Variants in PARD3 observed in about 807,000 individuals in gnomAD.
The protein encoded by PARD3 is partitioning defective 3 homolog.
Under a neutral mutation model 155.4 loss-of-function variants are expected in PARD3, and 75 were observed. That is an observed-to-expected ratio of 0.48 (90% CI 0.40 to 0.58). The LOEUF is 0.58. Ranked by LOEUF, PARD3 falls within the 20% of genes least tolerant of loss-of-function variation. PARD3 has a pLI of 0.00. For synonymous variants in PARD3, 576 were observed against 610.5 expected, an observed-to-expected ratio of 0.94 and a Z score of 0.83; for missense variants, 1,642 against 1,721.7, an observed-to-expected ratio of 0.95 and a Z score of 0.82.
chr10:34,701,169 C>G (rs766291400), intron 1 of PARD3, among the ~76,000 whole-genome samples: 10 of 151,882 alleles, frequency 6.6e-5, no homozygotes, highest in Admixed American at 2.6e-4. Context: ...AGAGGAGGAC[C>G]CTGAGCAGGG....
rs147136694 is a variant in PARD3 at position 34,331,172 on chromosome 10, G to A, written c.2778C>T (p.Ile926=). The change falls in exon 19 of 25, where the codon ATC becomes ATT. Residue 926 remains isoleucine (I), a synonymous_variant. Coordinates refer to ENST00000374788, the MANE Select transcript of PARD3 (RefSeq NM_001184785.2). ...RGCNESFRAA[I]DKSYDKPAVD... Reference sequence around the variant, plus strand: ...CCGCGGGTTTATCATAAGATTTGTCGATGGCAGCTCTGAAGCTCTCATTGC... The same window carrying A: ...CCGCGGGTTTATCATAAGATTTGTCAATGGCAGCTCTGAAGCTCTCATTGC... The A allele has an allele frequency of 1.0e-4, 165 of 1,613,818 alleles. No individual in the cohort carries two copies. The Middle Eastern group carries it at 4.1e-3, about 40-fold the overall frequency.
intron 2 of PARD3, among the ~76,000 whole-genome samples, chr10:34,665,792 G>A (rs1017308448): frequency 1.4e-5 from 2 of 147,730 alleles, no homozygotes; most frequent in Admixed American, 1.3e-4. Flanking sequence ...GAGCCAAGAC[G>A]GCGCCACTGC....
chr10:34,269,540 A>G, intron 22 of PARD3, 117 bp downstream of exon 22: 1 of 1,110,596 alleles, frequency 9.0e-7, no homozygotes, highest in Non-Finnish European at 1.3e-6. Flanking sequence ...ACAGCTTTTT[A>G]AAGGCCATTA....
chr10:34,775,808 T>G (rs1259130742), intron 1 of PARD3, among the ~76,000 whole-genome samples: 5 of 152,244 alleles, frequency 3.3e-5, no homozygotes, highest in Non-Finnish European at 5.9e-5. Flanking sequence ...AATCTGTAGG[T>G]ATTATTCTAG....
At chr10:34,262,139 A>G (rs1955059316) in intron 22 of PARD3, among the ~76,000 whole-genome samples, 1 of 152,190 alleles carries the variant, frequency 6.6e-6, no homozygotes. Flanking sequence ...AGTCAACTAC[A>G]TCTACTGAAT....
intron 2 of PARD3, among the ~76,000 whole-genome samples, chr10:34,605,931 C>CTA (rs56107450): frequency 0.012 from 269 of 22,656 alleles, 74 homozygotes; most frequent in East Asian, 0.085. Flanking sequence ...TATATATCTC[C>CTA]TATATATATA....
At position 34,730,381 on chromosome 10, in the gene PARD3, A is replaced by T. The variant is rs956941771; in HGVS notation, c.121-33962T>A. ...ATTGAAAAGTTTTCACCAACTTTAA[A>T]CTGCACTGTACAGCTATAAATTTAC... On this transcript the variant is annotated intron_variant, in intron 1 of 24. Transcript: ENST00000374788. 1.4e-4 allele frequency among the ~76,000 whole-genome samples: 22 copies of T among 152,202 alleles called. 1 individual carries two copies. Among genetic ancestry groups the T allele is most frequent in the Non-Finnish European group, 2.6e-4 (18 of 68,050 alleles).
At chr10:34,188,838 T>C (rs780039160) in intron 22 of PARD3, among the ~76,000 whole-genome samples, 2 of 151,966 alleles carry the variant, frequency 1.3e-5, no homozygotes, top group Non-Finnish European at 2.9e-5. Context: ...ACCATGGTCA[T>C]TCCAAGAAAC....
chr10:34,641,688 A>G (rs966358844), intron 2 of PARD3, among the ~76,000 whole-genome samples: 2 of 152,068 alleles, frequency 1.3e-5, no homozygotes, highest in Non-Finnish European at 2.9e-5. Context: ...AGCACCACGC[A>G]TGGCTGGGTG....
At chr10:34,444,890 C>G (rs1418477382) in intron 5 of PARD3, among the ~76,000 whole-genome samples, 2 of 152,144 alleles carry the variant, frequency 1.3e-5, no homozygotes, top group Non-Finnish European at 2.9e-5. Flanking sequence ...GTCATAACTG[C>G]CTTCAGAAAC....
chr10:34,475,738 G>T (rs1477592392), intron 3 of PARD3, among the ~76,000 whole-genome samples: 2 of 152,200 alleles, frequency 1.3e-5, no homozygotes, highest in African/African-American at 4.8e-5. Flanking sequence ...CTGGGAAGCA[G>T]TCATGCTCAC....
intron 3 of PARD3, among the ~76,000 whole-genome samples, chr10:34,506,844 AT>A (rs1413581544): frequency 1.3e-5 from 2 of 152,196 alleles, no homozygotes; most frequent in African/African-American, 4.8e-5. Flanking sequence ...GTGATTGCAA[AT>A]ATCAGTGAAA....
At chr10:34,130,841 A>T (rs1391956496) in intron 23 of PARD3, among the ~76,000 whole-genome samples, 2 of 152,324 alleles carry the variant, frequency 1.3e-5, no homozygotes, top group East Asian at 3.9e-4. Flanking sequence ...AATGAGGATC[A>T]CTTGAGCCTA....
intron 1 of PARD3, among the ~76,000 whole-genome samples, chr10:34,754,020 A>AT (rs796321184): frequency 0.027 from 3,962 of 145,688 alleles, 156 homozygotes; most frequent in African/African-American, 0.089. Context: ...GGTTTTATTT[A>AT]TTTTTTTTTT....
At chr10:34,658,160 GA>G (rs200032101) in intron 2 of PARD3, among the ~76,000 whole-genome samples, 3,159 of 148,642 alleles carry the variant, frequency 0.021, 113 homozygotes, top group African/African-American at 0.074. Flanking sequence ...AAAAAAAAAA[GA>G]ATCCACAACA....
intron 5 of PARD3, among the ~76,000 whole-genome samples, chr10:34,415,219 T>C (rs1255585554): frequency 6.6e-6 from 1 of 151,616 alleles, no homozygotes; most frequent in Non-Finnish European, 1.5e-5. Context: ...ATATGTAGTG[T>C]TTGTTGATAC....
chr10:34,794,142 T>C (rs911121717), intron 1 of PARD3, among the ~76,000 whole-genome samples: 3 of 152,002 alleles, frequency 2.0e-5, no homozygotes, highest in African/African-American at 7.3e-5. Flanking sequence ...TGAACAGATA[T>C]CACAAGGGGA....
At chr10:34,312,296 A>G in intron 20 of PARD3, 2 of 1,605,982 alleles carry the variant, frequency 1.2e-6, no homozygotes, top group Non-Finnish European at 1.7e-6. Flanking sequence ...TGTTTAAAAA[A>G]AACAACAACT....
chr10:34,336,366 T>C (rs1378334830), intron 17 of PARD3, 123 bp from the exon 18 acceptor site: 1 of 666,210 alleles, frequency 1.5e-6, no homozygotes. Flanking sequence ...GCAAATACTA[T>C]GAAACATCAA....
Sources: allele counts gnomAD v4.1 joint callset (sites outside exome capture counted in the v4.1 genomes callset), GRCh38; gene constraint gnomAD v4.1.1; transcripts MANE v1.5; gene names NCBI Gene and HGNC (gene_info 2026-07-23, HGNC 2026-07-21).